The following THADA variants were observed in gnomAD, a reference collection of about 807,000 sequenced individuals.
The protein encoded by THADA is tRNA (32-2'-O)-methyltransferase regulator THADA.
In THADA, 213 loss-of-function variants were observed where a neutral mutation model predicts 219.8. The observed-to-expected ratio is 0.97, with a 90% CI of 0.87 to 1.09. The LOEUF is 1.09. THADA is among the 50% of genes least tolerant of loss of function. The probability of loss-of-function intolerance (pLI) is 0.00; values close to 1 mark genes in which losing one functional copy is unlikely to be tolerated. For missense variants in THADA, 2,956 were observed against 2,311.3 expected (o/e 1.28, Z -5.72); for synonymous variants, 1,018 against 828.9 (o/e 1.23, Z -3.92).
At chr2:43,392,533 C>T (rs1019827111) in intron 29 of THADA, among the ~76,000 whole-genome samples, 1 of 152,064 alleles carries the variant, frequency 6.6e-6, no homozygotes, top group Non-Finnish European at 1.5e-5. Context: ...CCTACCTTTA[C>T]TTCTTTCTTT....
chr2:43,278,307 A>T lies in THADA; in HGVS notation c.5296+1458T>A, dbSNP rs147687534. Reference sequence around the variant, plus strand: ...AATTGCCTAACTTCTGATTAAAGAAAAAAATCAGGGTGATTCTCAGTCCTC... The same window carrying T: ...AATTGCCTAACTTCTGATTAAAGAATAAAATCAGGGTGATTCTCAGTCCTC... On this transcript the variant is annotated intron_variant, in intron 36 of 37. Transcript: ENST00000405975. 5.3e-3 allele frequency among the ~76,000 whole-genome samples: 803 copies of T among 152,312 alleles called. 5 individuals are homozygous for T. Among genetic ancestry groups the T allele is most frequent in the Non-Finnish European group, 8.3e-3 (565 of 68,030 alleles).
intron 20 of THADA, among the ~76,000 whole-genome samples, chr2:43,546,939 G>A (rs1444679470): frequency 3.3e-5 from 5 of 152,008 alleles, no homozygotes; most frequent in Admixed American, 6.6e-5. Context: ...TATTTTGCTC[G>A]TTAGTTGATG....
chr2:43,558,250 T>TA (rs932414195), intron 16 of THADA, among the ~76,000 whole-genome samples: 5 of 152,326 alleles, frequency 3.3e-5, no homozygotes, highest in African/African-American at 1.2e-4. Context: ...AATACGTATG[T>TA]ACACGTCCTT....
intron 28 of THADA, among the ~76,000 whole-genome samples, chr2:43,410,525 T>C (rs1237796427): frequency 6.6e-6 from 1 of 152,174 alleles, no homozygotes; most frequent in Non-Finnish European, 1.5e-5. Context: ...TTGCAGTATA[T>C]CCATACAATC....
At chr2:43,474,312 A>T (rs945766951) in intron 26 of THADA, among the ~76,000 whole-genome samples, 1 of 152,220 alleles carries the variant, frequency 6.6e-6, no homozygotes, top group Non-Finnish European at 1.5e-5. Flanking sequence ...TTCCAGGTAC[A>T]ATTACACAGT....
chr2:43,457,158 AC>A (rs1180133593), intron 26 of THADA, among the ~76,000 whole-genome samples: 50 of 120,204 alleles, frequency 4.2e-4, no homozygotes, highest in African/African-American at 1.7e-3. Context: ...ACACACACAC[AC>A]ACACACACAC....
intron 34 of THADA, among the ~76,000 whole-genome samples, chr2:43,287,641 G>A (rs1397616055): frequency 1.3e-5 from 2 of 152,136 alleles, no homozygotes; most frequent in Non-Finnish European, 2.9e-5. Flanking sequence ...GAGAACACTG[G>A]CATACATTTG....
chr2:43,472,421 GC>G (rs1685009538), intron 26 of THADA, among the ~76,000 whole-genome samples: 1 of 152,170 alleles, frequency 6.6e-6, no homozygotes, highest in Admixed American at 6.5e-5. Flanking sequence ...TGAAACCTAT[GC>G]TACTATAATA....
At chr2:43,526,013 A>T (rs1693122563) in intron 22 of THADA, among the ~76,000 whole-genome samples, 1 of 152,162 alleles carries the variant, frequency 6.6e-6, no homozygotes, top group Non-Finnish European at 1.5e-5. Flanking sequence ...CCCACAACCA[A>T]CATCAATCTC....
intron 21 of THADA, among the ~76,000 whole-genome samples, chr2:43,529,990 A>C (rs1403599230): frequency 6.6e-6 from 1 of 152,206 alleles, no homozygotes; most frequent in Non-Finnish European, 1.5e-5. Context: ...AATTCAGTTC[A>C]ATATGAGTTC....
At chr2:43,380,276 G>C (rs1313773767) in intron 29 of THADA, among the ~76,000 whole-genome samples, 1 of 152,182 alleles carries the variant, frequency 6.6e-6, no homozygotes, top group Non-Finnish European at 1.5e-5. Context: ...GTTCTGACTA[G>C]AAACCGTAAG....
chr2:43,440,773 C>T lies in THADA; in HGVS notation c.3837-10471G>A, dbSNP rs115700274. On this transcript the variant is annotated intron_variant, in intron 26 of 37. Transcript: ENST00000405975. ...ACACACGTAATCTCACTTATGCACA[C>T]CGTATGATTCTATCACTATGATCTA... 4.9e-3 allele frequency among the ~76,000 whole-genome samples: 739 copies of T among 152,290 alleles called. 3 individuals carry two copies. The highest frequency in any genetic ancestry group is 0.014 in the Middle Eastern group (4 of 294).
Position 43,292,737 on chromosome 2 carries a change from C to T in THADA, c.4818+97G>A, listed in dbSNP as rs939714392. 1.3e-5 allele frequency: 20 copies of T among 1,485,090 alleles called. No individual in the cohort carries two copies. In the Admixed American group the frequency reaches 3.9e-4, roughly 29 times the overall value. The allele number at this position is 1,485,090 out of a possible 1,614,324, so 92.0% of individuals were successfully genotyped here. Reference sequence around the variant, plus strand: ...TCTACTTCCTATTGCCCCTGGAGAGCCTAAACCCAATCTTGCCTTCATGAT... The same window carrying T: ...TCTACTTCCTATTGCCCCTGGAGAGTCTAAACCCAATCTTGCCTTCATGAT... On this transcript the variant is annotated intron_variant, in intron 32 of 37. Coordinates refer to ENST00000405975, the MANE Select transcript of THADA (RefSeq NM_022065.5).
chr2:43,351,467 C>G (rs561643770), intron 29 of THADA, among the ~76,000 whole-genome samples: 2 of 151,844 alleles, frequency 1.3e-5, no homozygotes, highest in Admixed American at 6.6e-5. Flanking sequence ...CGTCACCTTC[C>G]CCATAAAACT....
intron 12 of THADA, 130 bp downstream of exon 12, chr2:43,572,684 A>G: frequency 1.4e-6 from 1 of 699,930 alleles, no homozygotes. Flanking sequence ...TTGGGAGACT[A>G]GGGTTTCTAC....
intron 31 of THADA, among the ~76,000 whole-genome samples, chr2:43,305,573 G>C (rs111986924): frequency 6.6e-6 from 1 of 152,138 alleles, no homozygotes. Flanking sequence ...TAGGATTCCC[G>C]ATCGGCTGCT....
At chr2:43,274,764 A>C (rs2104286850) in intron 36 of THADA, among the ~76,000 whole-genome samples, 1 of 152,152 alleles carries the variant, frequency 6.6e-6, no homozygotes. Context: ...TGGAGACAGT[A>C]TTCCAAGAAA....
At chr2:43,445,454 A>G (rs998222462) in intron 26 of THADA, among the ~76,000 whole-genome samples, 8 of 152,204 alleles carry the variant, frequency 5.3e-5, no homozygotes, top group Non-Finnish European at 1.0e-4. Context: ...TGATCAGAAA[A>G]GAGATGTCAG....
chr2:43,526,549 C>G (rs543407268), intron 22 of THADA, among the ~76,000 whole-genome samples: 85 of 152,304 alleles, frequency 5.6e-4, no homozygotes, highest in Middle Eastern at 3.4e-3. Context: ...CTTTCTCTCT[C>G]TGCTATTCCT....
Sources: allele counts gnomAD v4.1 joint callset (sites outside exome capture counted in the v4.1 genomes callset), GRCh38; gene constraint gnomAD v4.1.1; transcripts MANE v1.5; gene names NCBI Gene and HGNC (gene_info 2026-07-23, HGNC 2026-07-21).